Variants in ZBTB7C observed in about 807,000 individuals in gnomAD.
ZBTB7C encodes zinc finger and BTB domain-containing protein 7C.
Under a neutral mutation model 25.7 loss-of-function variants are expected in ZBTB7C, and 8 were observed. That is an observed-to-expected ratio of 0.31 (90% CI 0.18 to 0.56). The LOEUF (loss-of-function observed/expected upper bound fraction) is 0.56. Ranked by LOEUF, ZBTB7C falls within the 20% of genes least tolerant of loss-of-function variation. ZBTB7C has a pLI of 0.91. For missense variants in ZBTB7C, 824 were observed against 855.2 expected, an observed-to-expected ratio of 0.96 and a Z score of 0.46; for synonymous variants, 394 against 369.0, an observed-to-expected ratio of 1.07 and a Z score of -0.78.
intron 3 of ZBTB7C, among the ~76,000 whole-genome samples, chr18:48,099,771 C>T (rs186228564): frequency 1.3e-3 from 199 of 152,338 alleles, no homozygotes; most frequent in Middle Eastern, 6.8e-3. Context: ...CATCCCCAGG[C>T]GGCTGGCAGC....
At chr18:48,269,675 A>C (rs925185972) in intron 2 of ZBTB7C, among the ~76,000 whole-genome samples, 13 of 152,204 alleles carry the variant, frequency 8.5e-5, no homozygotes, top group African/African-American at 2.7e-4. Context: ...AAATTACAAG[A>C]ATACCTGAGA....
chr18:48,128,855 T>G (rs2039892653), intron 3 of ZBTB7C, among the ~76,000 whole-genome samples: 1 of 135,626 alleles, frequency 7.4e-6, no homozygotes, highest in Admixed American at 7.7e-5. Context: ...TAAAAGCTAT[T>G]GAAATAAATT....
chr18:48,316,443 G>T (rs987461559), intron 2 of ZBTB7C, among the ~76,000 whole-genome samples: 1 of 152,198 alleles, frequency 6.6e-6, no homozygotes, highest in Non-Finnish European at 1.5e-5. Flanking sequence ...GATATCATTT[G>T]GATGTTTATC....
At chr18:48,068,107 T>A (rs1280601196) in intron 3 of ZBTB7C, among the ~76,000 whole-genome samples, 4 of 151,722 alleles carry the variant, frequency 2.6e-5, no homozygotes. Context: ...TTAGACGAAT[T>A]CAGTGGCACT....
chr18:48,123,957 T>C (rs1020154114), intron 3 of ZBTB7C, among the ~76,000 whole-genome samples: 2 of 152,210 alleles, frequency 1.3e-5, no homozygotes, highest in South Asian at 2.1e-4. Flanking sequence ...AGAGGTGATG[T>C]AGCCTGGGGA....
chr18:48,143,128 AT>A (rs1256180608), intron 3 of ZBTB7C, among the ~76,000 whole-genome samples: 1 of 151,836 alleles, frequency 6.6e-6, no homozygotes, highest in Admixed American at 6.6e-5. Context: ...CTCTCATCTC[AT>A]TTGTTCCCCA....
intron 2 of ZBTB7C, among the ~76,000 whole-genome samples, chr18:48,325,675 G>T (rs1033901959): frequency 6.6e-6 from 1 of 152,206 alleles, no homozygotes; most frequent in Non-Finnish European, 1.5e-5. Context: ...CTTTTGATTT[G>T]ATATCCAAGG....
At position 48,334,292 on chromosome 18, in the gene ZBTB7C, G is replaced by A. The variant is rs556030626; in HGVS notation, c.-79+3882C>T. Among the ~76,000 whole-genome samples, 3 of 152,278 alleles carry A rather than the reference G, an allele frequency of 2.0e-5. No homozygotes were observed. The East Asian group carries it at 5.8e-4, about 29-fold the overall frequency. On this transcript the variant is annotated intron_variant, in intron 2 of 4. Coordinates refer to ENST00000590800, the MANE Select transcript of ZBTB7C (RefSeq NM_001318841.2). ...CCCAGATCCTTCCCCTCTCCCAAAG[G>A]AGAACAGGAGGCAAGGGGTTAATTC... is the stretch of plus-strand genomic sequence containing the variant.
intron 4 of ZBTB7C, among the ~76,000 whole-genome samples, chr18:48,037,886 T>C (rs2036044828): frequency 6.6e-6 from 1 of 152,178 alleles, no homozygotes; most frequent in South Asian, 2.1e-4. Flanking sequence ...CTTAAAGTCA[T>C]ATGCAGGGGC....
rs375914815 is a variant in ZBTB7C, at chr18:48,153,281, GC to G, written c.-17+32652del. 2.6e-3 allele frequency among the ~76,000 whole-genome samples: 394 copies of G among 152,300 alleles called. 3 individuals are homozygous for G. The highest frequency in any genetic ancestry group is 9.0e-3 in the African/African-American group (375 of 41,550). Reference sequence around the variant, plus strand: ...TTTCTTAATTTCACCATTACCACAAGCTTTTAGGGTGAGGATTAGCATGCCC... The same window carrying G: ...TTTCTTAATTTCACCATTACCACAAGTTTTAGGGTGAGGATTAGCATGCCC... On this transcript the variant is annotated intron_variant, in intron 3 of 4. Transcript: ENST00000590800.
At position 48,027,846 on chromosome 18, in the gene ZBTB7C, C is replaced by T. The variant is rs1371646974; in HGVS notation, c.*1414G>A. ...GAGGGGAGGGAAGGAGAGAGAAGGT[C>T]AGGAAGGCACGGGGCCAGCAGAGCC... On this transcript the variant is annotated 3_prime_UTR_variant, in exon 5 of 5. Coordinates refer to ENST00000590800, the MANE Select transcript of ZBTB7C (RefSeq NM_001318841.2). 6.6e-6 allele frequency: 1 copy of T among 152,254 alleles called. No homozygotes were observed. Among genetic ancestry groups the T allele is most frequent in the African/African-American group, 2.4e-5 (1 of 41,408 alleles). 9.4% of individuals were successfully genotyped at this position (152,254 alleles called of 1,614,324 possible).
chr18:48,300,499 C>T (rs1236332150), intron 2 of ZBTB7C, among the ~76,000 whole-genome samples: 1 of 152,108 alleles, frequency 6.6e-6, no homozygotes, highest in East Asian at 1.9e-4. Context: ...GTCCTGAGTC[C>T]ACACAGCTGG....
At chr18:48,031,747 C>A (rs557894549) in intron 4 of ZBTB7C, among the ~76,000 whole-genome samples, 1 of 152,214 alleles carries the variant, frequency 6.6e-6, no homozygotes. Context: ...TGAGAACCAC[C>A]GGTCTAGGCA....
In ZBTB7C at chr18:48,040,715, C is replaced by G. The variant is rs779011047; in HGVS notation, c.393G>C (p.Gly131=). 48 of 1,613,856 alleles carry G rather than the reference C, an allele frequency of 3.0e-5. No homozygotes were observed. The highest frequency in any genetic ancestry group is 3.4e-5 in the Non-Finnish European group (40 of 1,179,966). The part of the protein sequence containing the change: ...NVCLEIMEPG[G]DGGEEDDKED... ...CCTTGTCATCCTCCTCCCCCCCGTC[C>G]CCCCCAGGCTCCATGATCTCCAGGC... Residue 131 remains glycine (G), a synonymous_variant, in exon 4 of 5, where the codon GGG becomes GGC. Transcript: ENST00000590800.
chr18:48,249,102 A>C (rs1207819587), intron 2 of ZBTB7C, among the ~76,000 whole-genome samples: 1 of 152,248 alleles, frequency 6.6e-6, no homozygotes, highest in Non-Finnish European at 1.5e-5. Flanking sequence ...CAAATTAGAA[A>C]AACAGTTTTT....
At chr18:48,087,816 T>C (rs940711806) in intron 3 of ZBTB7C, 2 of 112,402 alleles carry the variant, frequency 1.8e-5, no homozygotes, top group Non-Finnish European at 3.4e-5. Flanking sequence ...AAATAACAAA[T>C]AAAGGATGGT....
intron 2 of ZBTB7C, among the ~76,000 whole-genome samples, chr18:48,216,670 T>C (rs955474106): frequency 1.3e-5 from 2 of 151,970 alleles, no homozygotes; most frequent in Non-Finnish European, 2.9e-5. Flanking sequence ...AAGCCAGCAG[T>C]CATCCTAAAA....
At chr18:48,334,211 C>T (rs78553450) in intron 2 of ZBTB7C, among the ~76,000 whole-genome samples, 4,828 of 152,274 alleles carry the variant, frequency 0.032, 101 homozygotes, top group South Asian at 0.095. Context: ...ACCCCCCACA[C>T]ACAACAGGCT....
intron 3 of ZBTB7C, among the ~76,000 whole-genome samples, chr18:48,176,255 A>G (rs1429881895): frequency 6.6e-6 from 1 of 152,216 alleles, no homozygotes; most frequent in Non-Finnish European, 1.5e-5. Flanking sequence ...GACAAATTCA[A>G]CATGAGGAAT....
Sources: gnomAD v4.1 joint callset for allele counts (sites outside exome capture counted in the v4.1 genomes callset) on GRCh38, gnomAD v4.1.1 for gene constraint, MANE v1.5 for transcripts, NCBI Gene and HGNC (gene_info 2026-07-23, HGNC 2026-07-21) for gene names.